Variants in ASIC2 observed in about 807,000 individuals in gnomAD.
ASIC2 encodes the protein acid-sensing ion channel 2.
A neutral mutation model predicts 57.3 loss-of-function variants in ASIC2; 25 were observed. That is an observed-to-expected ratio of 0.44 (90% confidence interval 0.32 to 0.61). The LOEUF (loss-of-function observed/expected upper bound fraction) is 0.61. Among genes scored for constraint, ASIC2 ranks in the 20% least tolerant of loss-of-function variants. The pLI is 0.06. For synonymous variants in ASIC2, 319 were observed against 307.5 expected (o/e 1.04, Z -0.39); for missense variants, 641 against 738.1 (o/e 0.87, Z 1.52).
chr17:33,307,659 C>T (rs1383284313), intron 1 of ASIC2, among the ~76,000 whole-genome samples: 1 of 152,216 alleles, frequency 6.6e-6, no homozygotes, highest in Non-Finnish European at 1.5e-5. Flanking sequence ...CTCTAAAACT[C>T]TTCCTTGCTT....
chr17:34,025,633 A>G (rs1332156529), intron 1 of ASIC2, among the ~76,000 whole-genome samples: 2 of 152,190 alleles, frequency 1.3e-5, no homozygotes, highest in Non-Finnish European at 2.9e-5. Context: ...CCCACTGTTA[A>G]TTGTAAATAA....
intron 1 of ASIC2, among the ~76,000 whole-genome samples, chr17:33,653,776 C>T (rs1162546234): frequency 6.6e-6 from 1 of 152,132 alleles, no homozygotes; most frequent in East Asian, 1.9e-4. Context: ...CTGGAACCCC[C>T]CAGAGCTGAG....
intron 3 of ASIC2, among the ~76,000 whole-genome samples, chr17:33,068,262 G>A (rs1048382505): frequency 2.2e-4 from 33 of 152,154 alleles, no homozygotes; most frequent in African/African-American, 8.0e-4. Context: ...AAGCCAGGAT[G>A]GTTGGTCACT....
At chr17:33,283,684 T>C in intron 1 of ASIC2, among the ~76,000 whole-genome samples, 1 of 152,204 alleles carries the variant, frequency 6.6e-6, no homozygotes, top group East Asian at 1.9e-4. Context: ...AAATGCTGGC[T>C]CTTCTTGTAT....
intron 1 of ASIC2, among the ~76,000 whole-genome samples, chr17:33,912,032 T>C (rs1247066765): frequency 1.3e-5 from 2 of 149,500 alleles, no homozygotes; most frequent in Non-Finnish European, 3.0e-5. Flanking sequence ...CTCAGCTACT[T>C]GGGAGGCTGA....
chr17:33,201,337 C>T (rs914859441), intron 1 of ASIC2, among the ~76,000 whole-genome samples: 3 of 152,140 alleles, frequency 2.0e-5, no homozygotes, highest in Admixed American at 6.5e-5. Context: ...AAGCCAACTC[C>T]GGCAGCCCTC....
rs547565331 is a variant in ASIC2 at position 33,422,502 on chromosome 17, G to A, written c.556-310435C>T. ...GAGTGAAGCTCTGGGTGGGCAGGAGGGTTGCAATGCCATCGTAGAGTGAGG... is the reference window on the plus strand; with the variant it reads ...GAGTGAAGCTCTGGGTGGGCAGGAGAGTTGCAATGCCATCGTAGAGTGAGG... On this transcript the variant is annotated intron_variant, in intron 1 of 9. Transcript: ENST00000359872. Among the ~76,000 whole-genome samples, 5 of 152,280 alleles carry A rather than the reference G, an allele frequency of 3.3e-5. No homozygotes were observed. The South Asian group carries it at 1.0e-3, about 32-fold the overall frequency.
intron 1 of ASIC2, among the ~76,000 whole-genome samples, chr17:33,454,283 G>A (rs1047948308): frequency 1.3e-5 from 2 of 152,338 alleles, no homozygotes; most frequent in Admixed American, 1.3e-4. Context: ...GATCTGTGTG[G>A]TGACCAGTAG....
chr17:33,224,627 G>A (rs1907809837), intron 1 of ASIC2, among the ~76,000 whole-genome samples: 1 of 152,224 alleles, frequency 6.6e-6, no homozygotes, highest in Admixed American at 6.5e-5. Context: ...TGCCTCCTTT[G>A]AGCCATTTTA....
chr17:33,374,929 T>C (rs1465145884), intron 1 of ASIC2, among the ~76,000 whole-genome samples: 1 of 152,152 alleles, frequency 6.6e-6, no homozygotes, highest in African/African-American at 2.4e-5. Context: ...ATAACCTCTA[T>C]TTTACCGACA....
intron 1 of ASIC2, among the ~76,000 whole-genome samples, chr17:33,854,061 A>G (rs1284664390): frequency 2.0e-5 from 3 of 152,244 alleles, no homozygotes; most frequent in African/African-American, 7.2e-5. Flanking sequence ...AATGAACTCA[A>G]CAAAAGTCTA....
intron 1 of ASIC2, among the ~76,000 whole-genome samples, chr17:33,586,142 G>A (rs1597798080): frequency 6.6e-6 from 1 of 152,152 alleles, no homozygotes; most frequent in Non-Finnish European, 1.5e-5. Context: ...GTCCACCGCA[G>A]CTCTTGGCTC....
intron 1 of ASIC2, among the ~76,000 whole-genome samples, chr17:33,358,462 A>G (rs1187996277): frequency 6.6e-6 from 1 of 152,208 alleles, no homozygotes; most frequent in Non-Finnish European, 1.5e-5. Flanking sequence ...TGAGAGAACA[A>G]ATATTATCAT....
intron 1 of ASIC2, among the ~76,000 whole-genome samples, chr17:33,864,656 G>A (rs917113694): frequency 2.0e-5 from 3 of 152,202 alleles, no homozygotes; most frequent in Non-Finnish European, 2.9e-5. Flanking sequence ...CAGCGAACAG[G>A]TACCCTATGC....
intron 1 of ASIC2, among the ~76,000 whole-genome samples, chr17:33,943,668 C>T (rs369248672): frequency 7.1e-6 from 1 of 140,844 alleles, no homozygotes; most frequent in African/African-American, 2.7e-5. Context: ...GAGAAAGAAG[C>T]CAACATTCAT....
chr17:33,264,901 A>G (rs1244670094), intron 1 of ASIC2, among the ~76,000 whole-genome samples: 1 of 152,248 alleles, frequency 6.6e-6, no homozygotes, highest in African/African-American at 2.4e-5. Flanking sequence ...TTGGGGGAAA[A>G]CAAATATTTC....
At chr17:33,666,432 TG>T (rs1262807505) in intron 1 of ASIC2, among the ~76,000 whole-genome samples, 2 of 152,134 alleles carry the variant, frequency 1.3e-5, no homozygotes, top group African/African-American at 2.4e-5. Flanking sequence ...ATTCTAGAAC[TG>T]GGGTTCTACA....
intron 1 of ASIC2, among the ~76,000 whole-genome samples, chr17:33,664,865 A>G (rs1907418973): frequency 6.6e-6 from 1 of 152,190 alleles, no homozygotes; most frequent in Non-Finnish European, 1.5e-5. Context: ...TGAGCAATGC[A>G]AGCACAACAG....
chr17:33,924,189 G>A (rs1282245391), intron 1 of ASIC2, among the ~76,000 whole-genome samples: 1 of 152,316 alleles, frequency 6.6e-6, no homozygotes, highest in East Asian at 1.9e-4. Flanking sequence ...CACCACTGTT[G>A]GTGGGAACCT....
Sources: gnomAD v4.1 joint callset for allele counts (sites outside exome capture counted in the v4.1 genomes callset) on GRCh38, gnomAD v4.1.1 for gene constraint, MANE v1.5 for transcripts, NCBI Gene and HGNC (gene_info 2026-07-23, HGNC 2026-07-21) for gene names.